Variants in GREB1L observed in about 807,000 individuals in gnomAD.
GREB1L encodes GREB1 like retinoic acid receptor coactivator.
Under a neutral mutation model 200.8 loss-of-function variants are expected in GREB1L, and 17 were observed. The observed-to-expected ratio is 0.08, with a 90% CI of 0.06 to 0.13. The LOEUF is 0.13. GREB1L is among the 10% of genes least tolerant of loss of function. The pLI is 1.00. For missense variants in GREB1L, 1,657 were observed against 2,367.7 expected, an observed-to-expected ratio of 0.70 and a Z score of 6.23; for synonymous variants, 789 against 893.0, an observed-to-expected ratio of 0.88 and a Z score of 2.08.
chr18:21,340,088 G>A (rs1272799207), intron 1 of GREB1L, among the ~76,000 whole-genome samples: 2 of 152,128 alleles, frequency 1.3e-5, no homozygotes, highest in African/African-American at 4.8e-5. Context: ...ATATAATTGT[G>A]GTCCCACTAC....
At chr18:21,451,406 C>A in intron 13 of GREB1L, 1 of 275,612 alleles carries the variant, frequency 3.6e-6, no homozygotes, top group Non-Finnish European at 6.8e-6. Flanking sequence ...GCGAGTTTCT[C>A]TCTCCCTGGA....
chr18:21,400,431 A>G (rs1448874043), intron 5 of GREB1L, among the ~76,000 whole-genome samples: 1 of 152,202 alleles, frequency 6.6e-6, no homozygotes, highest in African/African-American at 2.4e-5. Flanking sequence ...GTCAGAAAGT[A>G]TAGCTAGATC....
At chr18:21,322,235 G>C (rs1258439392) in intron 1 of GREB1L, among the ~76,000 whole-genome samples, 1 of 152,012 alleles carries the variant, frequency 6.6e-6, no homozygotes, top group African/African-American at 2.4e-5. Context: ...AGATTAACAA[G>C]TAAAGGAAAA....
At chr18:21,498,524 G>A (rs1568061419) in intron 21 of GREB1L, among the ~76,000 whole-genome samples, 1 of 152,202 alleles carries the variant, frequency 6.6e-6, no homozygotes, top group Non-Finnish European at 1.5e-5. Context: ...AGCATGAGGA[G>A]GAGGAGCACA....
chr18:21,334,616 CA>C (rs1486721551), intron 1 of GREB1L, among the ~76,000 whole-genome samples: 2 of 151,554 alleles, frequency 1.3e-5, no homozygotes, highest in Non-Finnish European at 2.9e-5. Context: ...CAAACAACAA[CA>C]AAAAAAATTA....
At chr18:21,376,648 C>A (rs1425920436) in intron 2 of GREB1L, among the ~76,000 whole-genome samples, 4 of 150,472 alleles carry the variant, frequency 2.7e-5, no homozygotes, top group East Asian at 2.0e-4. Flanking sequence ...ACTAAAAACA[C>A]AAAAAAATTA....
At chr18:21,495,547 T>C (rs1462019605) in intron 19 of GREB1L, 123 bp from the exon 20 acceptor site, 8 of 662,048 alleles carry the variant, frequency 1.2e-5, no homozygotes, top group African/African-American at 3.7e-5. Flanking sequence ...CATAAACATA[T>C]GTAAACACTT....
chr18:21,509,260 C>T (rs1218035349), intron 27 of GREB1L, among the ~76,000 whole-genome samples: 1 of 152,230 alleles, frequency 6.6e-6, no homozygotes, highest in Admixed American at 6.5e-5. Flanking sequence ...TTTAGAGCTG[C>T]GCTCTTCTGG....
chr18:21,497,653 A>T (rs1261224179), intron 21 of GREB1L, among the ~76,000 whole-genome samples: 3 of 151,222 alleles, frequency 2.0e-5, no homozygotes, highest in Non-Finnish European at 2.9e-5. Flanking sequence ...TCAAAAAAAA[A>T]GAAAGAAAGA....
In GREB1L at chr18:21,508,390, T is replaced by C. The variant is rs1427246252; in HGVS notation, c.4534T>C (p.Leu1512=). 3.2e-6 allele frequency: 5 copies of C among 1,551,460 alleles called. No individual in the cohort carries two copies. Among genetic ancestry groups the C allele is most frequent in the Non-Finnish European group, 4.4e-6 (5 of 1,146,910 alleles). ...CTGTTTTTTTCCCTTTCAGCAGAAT[T>C]TGAATGCAGTCAAGAGCCCTATTTT... The part of the protein sequence containing the change: ...MRLPLVSDKN[L]NAVKSPIFTP... Residue 1512 remains leucine, a synonymous_variant, in exon 27 of 33, where the codon TTG becomes CTG. Transcript: ENST00000424526.
intron 1 of GREB1L, among the ~76,000 whole-genome samples, chr18:21,358,286 A>T (rs1364631756): frequency 6.6e-6 from 1 of 152,042 alleles, no homozygotes; most frequent in Non-Finnish European, 1.5e-5. Flanking sequence ...TTTTTGAGGA[A>T]AAACAGTTAT....
At chr18:21,411,663 A>G (rs1347902557) in intron 7 of GREB1L, among the ~76,000 whole-genome samples, 1 of 152,198 alleles carries the variant, frequency 6.6e-6, no homozygotes, top group African/African-American at 2.4e-5. Flanking sequence ...AACTTTTTGT[A>G]TATGTGCACC....
intron 1 of GREB1L, among the ~76,000 whole-genome samples, chr18:21,342,326 T>A (rs1741036976): frequency 6.6e-6 from 1 of 152,144 alleles, no homozygotes; most frequent in Non-Finnish European, 1.5e-5. Flanking sequence ...TCAAGAACCA[T>A]CCTTAGGTCC....
chr18:21,444,161 GTGTACCTGGT>G, intron 10 of GREB1L, 53 bp from the exon 11 acceptor site: 2 of 1,191,132 alleles, frequency 1.7e-6, no homozygotes, highest in Non-Finnish European at 2.3e-6. Flanking sequence ...CGTTGAGCAA[GTGTACCTGGT>G]TGGACCATAA....
chr18:21,514,427 A>G (rs2037346599), intron 28 of GREB1L, among the ~76,000 whole-genome samples: 2 of 152,220 alleles, frequency 1.3e-5, no homozygotes, highest in Admixed American at 1.3e-4. Flanking sequence ...AGGCAAGAGA[A>G]TCACTTGAAC....
chr18:21,464,268 G>A (rs187687227), intron 15 of GREB1L, among the ~76,000 whole-genome samples: 4 of 152,108 alleles, frequency 2.6e-5, no homozygotes, highest in Non-Finnish European at 5.9e-5. Context: ...GGTCGCTCAC[G>A]CCTGTAATCC....
chr18:21,331,729 A>T (rs1279969270), intron 1 of GREB1L, among the ~76,000 whole-genome samples: 1 of 152,224 alleles, frequency 6.6e-6, no homozygotes, highest in Non-Finnish European at 1.5e-5. Flanking sequence ...ATAACTTATT[A>T]CAAACCAGGA....
At chr18:21,249,751 T>G (rs564264207) in intron 1 of GREB1L, among the ~76,000 whole-genome samples, 4 of 151,770 alleles carry the variant, frequency 2.6e-5, no homozygotes, top group African/African-American at 9.7e-5. Flanking sequence ...TCCCAGCTAC[T>G]TGGGAGGCTG....
intron 30 of GREB1L, among the ~76,000 whole-genome samples, chr18:21,517,485 G>A (rs542085286): frequency 2.9e-4 from 44 of 152,096 alleles, no homozygotes; most frequent in Non-Finnish European, 5.1e-4. Context: ...CAGCCACCAC[G>A]CACCACCACA....
Sources: allele counts gnomAD v4.1 joint callset (sites outside exome capture counted in the v4.1 genomes callset), GRCh38; gene constraint gnomAD v4.1.1; transcripts MANE v1.5; gene names NCBI Gene and HGNC (gene_info 2026-07-23, HGNC 2026-07-21).